Variants in SIN3B observed in about 807,000 individuals in gnomAD.
The protein encoded by SIN3B is paired amphipathic helix protein Sin3b.
Under a neutral mutation model 120.2 loss-of-function variants are expected in SIN3B, and 19 were observed. The observed-to-expected ratio is 0.16, with a 90% CI of 0.11 to 0.23. The LOEUF (loss-of-function observed/expected upper bound fraction) is 0.23, where lower values mean the gene tolerates loss of function less well. Among genes scored for constraint, SIN3B ranks in the 10% least tolerant of loss-of-function variants. The probability of loss-of-function intolerance (pLI) is 1.00; values close to 1 mark genes in which losing one functional copy is unlikely to be tolerated. For synonymous variants in SIN3B, 654 were observed against 653.2 expected (o/e 1.00, Z -0.02); for missense variants, 1,073 against 1,573.0 (o/e 0.68, Z 5.38).
Position 16,863,852 on chromosome 19 carries a change from G to C in SIN3B, c.1383+56G>C, listed in dbSNP as rs975059235. ...GCATGTGCCTGTTCCCCTTCTCCAT[G>C]GGACATGCATCCTGATCCTCCTCCA... On this transcript the variant is annotated intron_variant, in intron 10 of 18. Coordinates refer to ENST00000248054, the MANE Select transcript of SIN3B (RefSeq NM_001297595.2). 1.4e-5 allele frequency: 18 copies of C among 1,249,526 alleles called. No individual in the cohort carries two copies. The African/African-American group carries it at 2.5e-4, about 17-fold the overall frequency. The allele number at this position is 1,249,526 out of a possible 1,614,324, so 77.4% of individuals were successfully genotyped here.
chr19:16,855,371 C>CCCCG (rs1971598871), intron 8 of SIN3B: 3 of 22,814 alleles, frequency 1.3e-4, no homozygotes, highest in African/African-American at 4.6e-4. Context: ...GAGAAACCTT[C>CCCCG]CCCCCCCCCC....
At chr19:16,847,526 C>G (rs982659252) in intron 5 of SIN3B, among the ~76,000 whole-genome samples, 2 of 152,206 alleles carry the variant, frequency 1.3e-5, no homozygotes, top group Non-Finnish European at 2.9e-5. Flanking sequence ...ATCTGGGGCT[C>G]CAGCAGGTTG....
At chr19:16,865,681 TCCCCTTC>T (rs1568422961) in intron 11 of SIN3B, 33 bp downstream of exon 11, 1 of 1,404,962 alleles carries the variant, frequency 7.1e-7, no homozygotes, top group Non-Finnish European at 9.8e-7. Context: ...CCCTTCCCCT[TCCCCTTC>T]CCCCTTCCCT....
chr19:16,862,318 G>A lies in SIN3B; in HGVS notation c.1059-34G>A. The A allele has an allele frequency of 6.4e-7, 1 of 1,571,288 alleles. No homozygotes were observed. On this transcript the variant is annotated intron_variant, in intron 8 of 18. Coordinates refer to ENST00000248054, the MANE Select transcript of SIN3B (RefSeq NM_001297595.2). This position sits in a 1 kb window ranked among gnomAD's most constrained non-coding sequence, Gnocchi z 4.7. ...CAGATCCCTCTCAGAAGGCCCTGGG[G>A]ATGACCAGTTACCATGTGTCTTTAT...
chr19:16,851,301 G>A (rs900599347), intron 5 of SIN3B, 111 bp from the exon 6 acceptor site: 1 of 1,323,254 alleles, frequency 7.6e-7, no homozygotes, highest in Non-Finnish European at 1.0e-6. Flanking sequence ...TGGTGCCCGT[G>A]GCCACCATTG....
chr19:16,869,897 C>T lies in SIN3B; in HGVS notation c.2244C>T (p.Asn748=), dbSNP rs2051485802. Residue 748 remains asparagine (N), a synonymous_variant, in exon 13 of 19, where the codon AAC becomes AAT. Transcript: ENST00000248054. ...ACAGCCTATTTTTTGCCAACAACAA[C>T]TGGTACTTCTTCCTGCGCCTGCACC... is the stretch of plus-strand genomic sequence containing the variant. ...DVYSLFFANN[N]WYFFLRLHQT... is the part of the protein sequence containing the mutation. 6.2e-7 allele frequency: 1 copy of T among 1,614,148 alleles called. No homozygotes were observed. The highest frequency in any genetic ancestry group is 1.7e-5 in the Admixed American group (1 of 60,014).
chr19:16,841,027 T>G (rs1599591609), intron 3 of SIN3B, among the ~76,000 whole-genome samples: 1 of 152,180 alleles, frequency 6.6e-6, no homozygotes, highest in Admixed American at 6.5e-5. Context: ...GACCCAGCCC[T>G]TGTGTGCTGG....
intron 14 of SIN3B, among the ~76,000 whole-genome samples, chr19:16,872,267 G>A (rs778074814): frequency 7.3e-5 from 11 of 151,572 alleles, no homozygotes; most frequent in Admixed American, 2.6e-4. Flanking sequence ...CAGACAGGAC[G>A]TTTCCTTCCA....
intron 3 of SIN3B, among the ~76,000 whole-genome samples, chr19:16,835,622 T>G (rs1212685809): frequency 6.6e-6 from 1 of 151,798 alleles, no homozygotes; most frequent in African/African-American, 2.4e-5. Context: ...GAGGTTCAAG[T>G]CATTCTCCTG....
At chr19:16,841,184 G>A (rs1444149747) in intron 3 of SIN3B, among the ~76,000 whole-genome samples, 1 of 152,098 alleles carries the variant, frequency 6.6e-6, no homozygotes, top group Non-Finnish European at 1.5e-5. Context: ...GGCATTCTTG[G>A]TGGGTGTTCA....
At position 16,854,030 on chromosome 19, in the gene SIN3B, A is replaced by G. The variant is rs1200388724; in HGVS notation, c.940-113A>G. ...ATTGCAGCACAGATATCATTTACTTATAGACACAGTTGGTTCCCATATCGC... is the reference window on the plus strand; with the variant it reads ...ATTGCAGCACAGATATCATTTACTTGTAGACACAGTTGGTTCCCATATCGC... On this transcript the variant is annotated intron_variant, in intron 7 of 18. Transcript: ENST00000248054. 8.6e-6 allele frequency: 6 copies of G among 699,794 alleles called. No individual in the cohort carries two copies. The South Asian group carries it at 1.1e-4, about 12-fold the overall frequency. The allele number at this position is 699,794 out of a possible 1,614,324, so 43.3% of individuals were successfully genotyped here. A position where few individuals can be genotyped will look rare whatever the true frequency, so the allele number is the denominator to read the frequency against.
rs1479711827 is a variant in SIN3B, at chr19:16,875,829, G to GGTTTGGTCTGGTCTGGTCTGGTCT, written c.2593-200_2593-177dup. ...CTGTTTGGTCTGGTCTGGTCTGTTT[G>GGTTTGGTCTGGTCTGGTCTGGTCT]GTTTGGTCTGGTCTGGTCTGGTCTG... On this transcript the variant is annotated intron_variant, in intron 14 of 18. Coordinates refer to ENST00000248054, the MANE Select transcript of SIN3B (RefSeq NM_001297595.2). 46 of 563,396 alleles carry GGTTTGGTCTGGTCTGGTCTGGTCT rather than the reference G, an allele frequency of 8.2e-5. No individual in the cohort carries two copies. The East Asian group carries it at 1.4e-3, about 17-fold the overall frequency. The allele number at this position is 563,396 out of a possible 1,614,324, so 34.9% of individuals were successfully genotyped here.
intron 6 of SIN3B, among the ~76,000 whole-genome samples, chr19:16,852,445 T>C (rs1233089522): frequency 1.3e-5 from 2 of 152,154 alleles, no homozygotes; most frequent in African/African-American, 4.8e-5. Context: ...TGAGGTTTCA[T>C]CGTGTTGCCC....
At chr19:16,863,841 C>A in intron 10 of SIN3B, 45 bp downstream of exon 10, 1 of 1,399,186 alleles carries the variant, frequency 7.1e-7, no homozygotes, top group Non-Finnish European at 1.0e-6. Context: ...GTGCCTGTTC[C>A]CCTTCTCCAT....
chr19:16,878,823 G>T lies in SIN3B; in HGVS notation c.*96G>T, dbSNP rs577871101. On this transcript the variant is annotated 3_prime_UTR_variant, in exon 19 of 19. Coordinates refer to ENST00000248054, the MANE Select transcript of SIN3B (RefSeq NM_001297595.2). ...GCCGTTTTCTTGAACGACGTGAGAG[G>T]CATCTCCCAGCCCCTCTGCTGCCGG... 3.7e-5 allele frequency: 39 copies of T among 1,068,442 alleles called. No individual in the cohort carries two copies. The highest frequency in any genetic ancestry group is 5.1e-5 in the Non-Finnish European group (38 of 746,296). The allele number at this position is 1,068,442 out of a possible 1,614,324, so 66.2% of individuals were successfully genotyped here. A position where few individuals can be genotyped will look rare whatever the true frequency, so the allele number is the denominator to read the frequency against.
rs892186192 is a variant in SIN3B at position 16,842,050 on chromosome 19, G to A, written c.582+82G>A. On this transcript the variant is annotated intron_variant, in intron 4 of 18. Coordinates refer to ENST00000248054, the MANE Select transcript of SIN3B (RefSeq NM_001297595.2). Reference sequence around the variant, plus strand: ...CTGCAGATATTCAGATTTTCTTGTCGGAATTCATAAAATCCTGTAAAATTC... The same window carrying A: ...CTGCAGATATTCAGATTTTCTTGTCAGAATTCATAAAATCCTGTAAAATTC... 8.7e-5 allele frequency: 102 copies of A among 1,174,720 alleles called. No individual in the cohort carries two copies. In the East Asian group the frequency reaches 1.0e-3, roughly 12 times the overall value. 72.8% of individuals were successfully genotyped at this position (1,174,720 alleles called of 1,614,324 possible). A position where few individuals can be genotyped will look rare whatever the true frequency, so the allele number is the denominator to read the frequency against.
chr19:16,878,765 C>A lies in SIN3B; in HGVS notation c.*38C>A. On this transcript the variant is annotated 3_prime_UTR_variant, in exon 19 of 19. Transcript: ENST00000248054. ...GGCACCGGGCAGGCGCCTCACAGAG[C>A]ACAGACGTGCCCTCGGCCTTGGTCG... The A allele has an allele frequency of 6.5e-7, 1 of 1,527,880 alleles. No individual in the cohort carries two copies. The highest frequency in any genetic ancestry group is 8.8e-7 in the Non-Finnish European group (1 of 1,133,130). The allele number at this position is 1,527,880 out of a possible 1,614,324, so 94.6% of individuals were successfully genotyped here.
Position 16,829,558 on chromosome 19 carries a change from C to T in SIN3B, c.120+18C>T, listed in dbSNP as rs578231806. 3.5e-5 allele frequency: 44 copies of T among 1,240,908 alleles called. No homozygotes were observed. The East Asian group carries it at 1.2e-3, about 33-fold the overall frequency. 76.9% of individuals were successfully genotyped at this position (1,240,908 alleles called of 1,614,324 possible). A position where few individuals can be genotyped will look rare whatever the true frequency, so the allele number is the denominator to read the frequency against. Reference sequence around the variant, plus strand: ...CGGTGCACGTGAGTGGCGTCCCCGCCCTCCCTCGGGGAACCCATCTTCTGG... The same window carrying T: ...CGGTGCACGTGAGTGGCGTCCCCGCTCTCCCTCGGGGAACCCATCTTCTGG... On this transcript the variant is annotated intron_variant, in intron 1 of 18. Coordinates refer to ENST00000248054, the MANE Select transcript of SIN3B (RefSeq NM_001297595.2).
rs766940848 is a variant in SIN3B, at chr19:16,852,146, AG to A, written c.849+613del. Among the ~76,000 whole-genome samples the A allele has an allele frequency of 2.0e-4, 31 of 152,154 alleles. No homozygotes were observed. The East Asian group carries it at 3.3e-3, about 16-fold the overall frequency. ...TTGTGTCCTTTTTTTCTTTCCTTTG[AG>A]ACAGAGTCTCGCTCTGTCACCCAGG... is the stretch of plus-strand genomic sequence containing the variant. On this transcript the variant is annotated intron_variant, in intron 6 of 18. Coordinates refer to ENST00000248054, the MANE Select transcript of SIN3B (RefSeq NM_001297595.2).
Sources: allele counts gnomAD v4.1 joint callset (sites outside exome capture counted in the v4.1 genomes callset), GRCh38; gene constraint gnomAD v4.1.1; non-coding constraint Gnocchi (gnomAD v3.1); transcripts MANE v1.5; gene names NCBI Gene and HGNC (gene_info 2026-07-23, HGNC 2026-07-21).